CDH12: variants seen among roughly 807,000 people sequenced by gnomAD.
CDH12 encodes the protein cadherin 12, also known as cadherin-12.
A neutral mutation model predicts 74.1 loss-of-function variants in CDH12; 41 were observed. The observed-to-expected ratio is 0.55, with a 90% confidence interval of 0.43 to 0.72. The LOEUF is 0.72. Ranked by LOEUF, CDH12 falls within the 30% of genes least tolerant of loss-of-function variation. CDH12 has a pLI of 0.00. For synonymous variants in CDH12, 399 were observed against 355.0 expected (o/e 1.12, Z -1.39); for missense variants, 945 against 977.2 (o/e 0.97, Z 0.44).
At chr5:22,416,441 C>T (rs1215680234) in intron 2 of CDH12, among the ~76,000 whole-genome samples, 2 of 152,058 alleles carry the variant, frequency 1.3e-5, no homozygotes, top group Non-Finnish European at 2.9e-5. Context: ...CTATATACTA[C>T]GTATGGTAAT....
intron 3 of CDH12, among the ~76,000 whole-genome samples, chr5:22,394,146 T>C (rs2126426969): frequency 6.6e-6 from 1 of 152,240 alleles, no homozygotes; most frequent in African/African-American, 2.4e-5. Context: ...TCCAAAGATA[T>C]TACTGGACAA....
intron 4 of CDH12, among the ~76,000 whole-genome samples, chr5:22,150,709 C>T (rs10035879): frequency 2.0e-5 from 3 of 151,906 alleles, no homozygotes; most frequent in African/African-American, 7.3e-5. Flanking sequence ...GGTAATGCCC[C>T]AAATCTTATC....
intron 4 of CDH12, among the ~76,000 whole-genome samples, chr5:22,107,431 T>C (rs2150256421): frequency 7.2e-6 from 1 of 138,294 alleles, no homozygotes; most frequent in South Asian, 2.3e-4. Context: ...GTGCTGGGCC[T>C]TCTGCTCTTC....
intron 2 of CDH12, among the ~76,000 whole-genome samples, chr5:22,443,377 A>G (rs1355451831): frequency 6.6e-6 from 1 of 152,182 alleles, no homozygotes; most frequent in Non-Finnish European, 1.5e-5. Context: ...ATAAGCTCAT[A>G]GTGACTTGTT....
At chr5:22,417,972 T>A (rs985331181) in intron 2 of CDH12, among the ~76,000 whole-genome samples, 47 of 152,330 alleles carry the variant, frequency 3.1e-4, no homozygotes, top group African/African-American at 1.1e-3. Flanking sequence ...GTACCCTTTT[T>A]AAAAACTTTA....
In CDH12 at chr5:21,751,949, C is replaced by A; in HGVS notation, c.2173G>T (p.Asp725Tyr). The A allele has an allele frequency of 6.2e-7, 1 of 1,614,032 alleles. No homozygotes were observed. Among genetic ancestry groups the A allele is most frequent in the South Asian group, 1.1e-5 (1 of 91,074 alleles). ...DFIHQRLQEN[D>Y]VDPTAPPYDS... ...TATGGTGGGGCAGTTGGATCCACAT[C>A]ATTTTCCTGTAGCCTTTGATGAATG... is the stretch of plus-strand genomic sequence containing the variant. Residue 725 changes from aspartate (D) to tyrosine (Y), a missense_variant, in exon 15 of 15, where the codon GAT becomes TAT. Physicochemically the swap from Asp to Tyr is radical, Grantham distance 160 (BLOSUM62 -3). This residue lies in a region of CDH12 where 791 missense variants were observed against 792.8 expected (regional missense o/e 1.00). Coordinates refer to ENST00000382254, the MANE Select transcript of CDH12 (RefSeq NM_004061.5).
At chr5:22,809,315 A>G (rs966246651) in intron 1 of CDH12, among the ~76,000 whole-genome samples, 1 of 152,114 alleles carries the variant, frequency 6.6e-6, no homozygotes, top group East Asian at 1.9e-4. Context: ...ACAAAAGTAT[A>G]TTTTTACTTA....
chr5:21,990,501 T>A lies in CDH12; in HGVS notation c.232-15116A>T, dbSNP rs2910538. Among the ~76,000 whole-genome samples the A allele has an allele frequency of 4.2e-3, 634 of 151,968 alleles. 9 individuals are homozygous for A. The highest frequency in any genetic ancestry group is 0.014 in the Middle Eastern group (4 of 294). On this transcript the variant is annotated intron_variant, in intron 5 of 14. Transcript: ENST00000382254. ...TTTATATCATAAATTTGGAGAATAC[T>A]GTAGAGAATTTGGCTTCACAGTTTG... is the stretch of plus-strand genomic sequence containing the variant.
At chr5:22,441,450 C>T (rs1744619046) in intron 2 of CDH12, among the ~76,000 whole-genome samples, 1 of 152,072 alleles carries the variant, frequency 6.6e-6, no homozygotes, top group Non-Finnish European at 1.5e-5. Context: ...ACACTGTGTG[C>T]TTGACAATCC....
chr5:22,685,878 G>A lies in CDH12; in HGVS notation c.-523+167180C>T, dbSNP rs186652134. On this transcript the variant is annotated intron_variant, in intron 1 of 14. Transcript: ENST00000382254. ...GAACATGTGTGTACAAGTTCGTATGGACATATGTTTTTATTTTTCATATAT... is the reference window on the plus strand; with the variant it reads ...GAACATGTGTGTACAAGTTCGTATGAACATATGTTTTTATTTTTCATATAT... 4.3e-3 allele frequency among the ~76,000 whole-genome samples: 654 copies of A among 152,212 alleles called. 3 individuals are homozygous for A. The highest frequency in any genetic ancestry group is 6.9e-3 in the Non-Finnish European group (469 of 68,014).
chr5:22,504,343 G>A (rs189933746), intron 2 of CDH12, among the ~76,000 whole-genome samples: 62 of 152,010 alleles, frequency 4.1e-4, no homozygotes, highest in African/African-American at 1.4e-3. Flanking sequence ...TACTGAATAA[G>A]CTAATCTCAT....
chr5:21,804,643 A>AAAAAATACACACACACACAC (rs1554032478), intron 9 of CDH12, among the ~76,000 whole-genome samples: 1 of 115,272 alleles, frequency 8.7e-6, no homozygotes, highest in Non-Finnish European at 1.9e-5. Flanking sequence ...AGTGAATTAA[A>AAAAAATACACACACACACAC]ACACACACAC....
chr5:21,781,507 T>C (rs2149896019), intron 11 of CDH12, among the ~76,000 whole-genome samples: 1 of 152,180 alleles, frequency 6.6e-6, no homozygotes, highest in South Asian at 2.1e-4. Context: ...GTGGATCACC[T>C]AAAGTCAGGA....
At chr5:22,029,326 A>G (rs1738637805) in intron 5 of CDH12, among the ~76,000 whole-genome samples, 1 of 152,166 alleles carries the variant, frequency 6.6e-6, no homozygotes, top group African/African-American at 2.4e-5. Context: ...TGAACAGGCA[A>G]CCCACAAAAT....
At chr5:22,381,333 C>A (rs896233366) in intron 3 of CDH12, among the ~76,000 whole-genome samples, 3 of 151,884 alleles carry the variant, frequency 2.0e-5, no homozygotes, top group African/African-American at 4.8e-5. Context: ...TCAAAAGTGT[C>A]AATATTACTA....
chr5:22,824,862 ATG>A (rs1421981181), intron 1 of CDH12, among the ~76,000 whole-genome samples: 2 of 151,796 alleles, frequency 1.3e-5, no homozygotes, highest in African/African-American at 2.4e-5. Context: ...ATTAATATAT[ATG>A]TGTGTCCAAA....
At chr5:22,654,372 CT>C (rs1467865332) in intron 1 of CDH12, among the ~76,000 whole-genome samples, 1 of 151,964 alleles carries the variant, frequency 6.6e-6, no homozygotes, top group Admixed American at 6.6e-5. Context: ...TCACTGCAAC[CT>C]CTGACTCCCA....
chr5:22,839,352 CTTTT>C (rs1293903338), intron 1 of CDH12, among the ~76,000 whole-genome samples: 2 of 120,258 alleles, frequency 1.7e-5, no homozygotes, highest in Admixed American at 8.6e-5. Context: ...AATTACTTGT[CTTTT>C]TTTTTTTTTT....
intron 3 of CDH12, among the ~76,000 whole-genome samples, chr5:22,225,899 C>A (rs962841521): frequency 2.9e-5 from 4 of 135,632 alleles, no homozygotes; most frequent in Non-Finnish European, 4.7e-5. Flanking sequence ...AGTGGTTGGC[C>A]TCTAACAATA....
Sources: gnomAD v4.1 joint callset for allele counts (sites outside exome capture counted in the v4.1 genomes callset) on GRCh38, gnomAD v4.1.1 for gene constraint, gnomAD v4.1.1 regional missense constraint, MANE v1.5 for transcripts, NCBI Gene and HGNC (gene_info 2026-07-23, HGNC 2026-07-21) for gene names.